The following SGK3 variants were observed in gnomAD, a reference collection of about 807,000 sequenced individuals.
SGK3 encodes serum/glucocorticoid regulated kinase family member 3.
In SGK3, 47 loss-of-function variants were observed where a neutral mutation model predicts 68.5. The observed-to-expected ratio is 0.69, with a 90% CI of 0.54 to 0.87. The LOEUF is 0.87. Among genes scored for constraint, SGK3 ranks in the 40% least tolerant of loss-of-function variants. The pLI is 0.00. For synonymous variants in SGK3, 181 were observed against 189.1 expected (o/e 0.96, Z 0.35); for missense variants, 479 against 575.5 (o/e 0.83, Z 1.72).
At chr8:66,831,373 G>C (rs1023873303) in intron 8 of SGK3, 62 bp downstream of exon 8, 13 of 1,585,940 alleles carry the variant, frequency 8.2e-6, no homozygotes, top group Non-Finnish European at 1.0e-5. Context: ...TGGAGACAGG[G>C]TCTCACTCTG....
chr8:66,840,318 A>G, intron 12 of SGK3, 71 bp downstream of exon 12: 1 of 1,378,396 alleles, frequency 7.3e-7, no homozygotes, highest in Non-Finnish European at 9.9e-7. Flanking sequence ...GTGCAAAAAA[A>G]GTCTCAGAGA....
chr8:66,800,379 C>CTTTTTTTTTT (rs35415180), intron 3 of SGK3, among the ~76,000 whole-genome samples: 44 of 102,190 alleles, frequency 4.3e-4, no homozygotes, highest in Non-Finnish European at 5.9e-4. Flanking sequence ...TTTTTCATTT[C>CTTTTTTTTTT]TTTTTTTTTT....
rs1438778845 is a variant in SGK3 at position 66,839,533 on chromosome 8, ATATATATATATATATATATATATATT to A, written c.742-468_742-443del. Among the ~76,000 whole-genome samples, 224 of 87,896 alleles carry A rather than the reference ATATATATATATATATATATATATATT, an allele frequency of 2.5e-3. 5 individuals are homozygous for A. The highest frequency in any genetic ancestry group is 0.011 in the African/African-American group (211 of 20,048). 57.7% of individuals were successfully genotyped at this position (87,896 alleles called of 152,430 possible). The stretch of plus-strand genomic sequence containing the variant: ...TATATATATATATATATATATATAT[ATATATATATATATATATATATATATT>A]TTCATATGGGTTATATTTGTTCTGC... On this transcript the variant is annotated intron_variant, in intron 10 of 16. Coordinates refer to ENST00000521198, the MANE Select transcript of SGK3 (RefSeq NM_001033578.3).
intron 1 of SGK3, among the ~76,000 whole-genome samples, chr8:66,786,925 C>CTTTTTTT (rs71249407): frequency 2.3e-4 from 11 of 48,704 alleles, no homozygotes; most frequent in East Asian, 5.4e-4. Context: ...TTTTCTCTGT[C>CTTTTTTT]TTTTTTTTTT....
chr8:66,825,411 C>A (rs1166622175), intron 6 of SGK3, among the ~76,000 whole-genome samples: 1 of 150,000 alleles, frequency 6.7e-6, no homozygotes, highest in African/African-American at 2.5e-5. Flanking sequence ...TCACTGCAAG[C>A]TCCGCCTCCC....
chr8:66,804,610 T>C (rs1416889217), intron 4 of SGK3, among the ~76,000 whole-genome samples, 163 bp downstream of exon 4: 15 of 152,240 alleles, frequency 9.9e-5, no homozygotes, highest in Admixed American at 9.8e-4. Flanking sequence ...AGGCATTGTT[T>C]TAAGTACTTC....
intron 2 of SGK3, among the ~76,000 whole-genome samples, chr8:66,795,923 G>A (rs1228602127): frequency 2.0e-5 from 3 of 152,018 alleles, no homozygotes. Flanking sequence ...TTTGAAGCAA[G>A]AACTTCTTCA....
At chr8:66,797,047 C>T (rs894124128) in intron 2 of SGK3, among the ~76,000 whole-genome samples, 1 of 151,282 alleles carries the variant, frequency 6.6e-6, no homozygotes, top group Non-Finnish European at 1.5e-5. Context: ...GTTTATAAAT[C>T]ATGCTGTTAA....
intron 1 of SGK3, among the ~76,000 whole-genome samples, chr8:66,730,648 C>G (rs1384894379): frequency 1.3e-5 from 2 of 152,152 alleles, no homozygotes; most frequent in Non-Finnish European, 2.9e-5. Context: ...GGTCCAACTT[C>G]ATTCTTTTGC....
At position 66,793,327 on chromosome 8, in the gene SGK3, G is replaced by T. The variant is rs1466528230; in HGVS notation, c.-121-289G>T. Among the ~76,000 whole-genome samples, 65 of 152,140 alleles carry T rather than the reference G, an allele frequency of 4.3e-4. 1 individual carries two copies. Among genetic ancestry groups the T allele is most frequent in the Admixed American group, 4.2e-3 (64 of 15,274 alleles). On this transcript the variant is annotated intron_variant, in intron 1 of 16. Transcript: ENST00000521198. ...CAAGAAGTCTGAAAACCACACTTTGGTTACCTCCAACTAGATCTTTTCTAG... is the reference window on the plus strand; with the variant it reads ...CAAGAAGTCTGAAAACCACACTTTGTTTACCTCCAACTAGATCTTTTCTAG...
intron 4 of SGK3, among the ~76,000 whole-genome samples, chr8:66,813,582 A>G (rs1368386351): frequency 2.6e-5 from 4 of 151,308 alleles, no homozygotes; most frequent in African/African-American, 4.8e-5. Context: ...AGTCCATAAT[A>G]GGCAGTTTTG....
At chr8:66,763,509 T>A (rs1347349960) in intron 1 of SGK3, among the ~76,000 whole-genome samples, 1 of 152,190 alleles carries the variant, frequency 6.6e-6, no homozygotes, top group African/African-American at 2.4e-5. Flanking sequence ...CCCTAGTTCA[T>A]ATTAGTGGGA....
intron 1 of SGK3, among the ~76,000 whole-genome samples, chr8:66,757,989 G>A (rs1196831691): frequency 2.3e-5 from 3 of 128,502 alleles, no homozygotes; most frequent in African/African-American, 3.4e-5. Context: ...CACACTATAT[G>A]TATATATATA....
chr8:66,792,488 A>C (rs1807505693), intron 1 of SGK3, among the ~76,000 whole-genome samples: 1 of 152,170 alleles, frequency 6.6e-6, no homozygotes, highest in Admixed American at 6.5e-5. Context: ...TTAAATCATT[A>C]CCTGAATATA....
intron 4 of SGK3, 113 bp downstream of exon 4, chr8:66,804,560 C>T: frequency 9.1e-7 from 1 of 1,095,572 alleles, no homozygotes; most frequent in South Asian, 1.7e-5. Flanking sequence ...ATCTTATGCT[C>T]TGTGAAAATA....
rs565601326 is a variant in SGK3 at position 66,840,732 on chromosome 8, T to G, written c.892-292T>G. 17 of 223,504 alleles carry G rather than the reference T, an allele frequency of 7.6e-5. No homozygotes were observed. In the East Asian group the frequency reaches 1.6e-3, roughly 21 times the overall value. 13.8% of individuals were successfully genotyped at this position (223,504 alleles called of 1,614,324 possible). On this transcript the variant is annotated intron_variant, in intron 12 of 16. Transcript: ENST00000521198. ...CAGCACTTTGGGAGGCCAAGATGGG[T>G]GGATCACTTGAGGTGGCACGCCTGG...
intron 1 of SGK3, among the ~76,000 whole-genome samples, chr8:66,753,980 G>A (rs1459946689): frequency 6.6e-6 from 1 of 152,108 alleles, no homozygotes; most frequent in Non-Finnish European, 1.5e-5. Flanking sequence ...GACTTTAAAT[G>A]CCCTTATGAC....
At chr8:66,826,362 A>G (rs992314526) in intron 6 of SGK3, among the ~76,000 whole-genome samples, 4 of 152,136 alleles carry the variant, frequency 2.6e-5, no homozygotes, top group African/African-American at 9.7e-5. Context: ...TGAAATTACA[A>G]CTCAGTTTGA....
intron 1 of SGK3, among the ~76,000 whole-genome samples, chr8:66,787,947 C>T (rs1231362256): frequency 6.6e-6 from 1 of 152,210 alleles, no homozygotes; most frequent in Non-Finnish European, 1.5e-5. Context: ...GTGTACTGCT[C>T]AGAGTTCTGC....
Sources: allele counts gnomAD v4.1 joint callset (sites outside exome capture counted in the v4.1 genomes callset), GRCh38; gene constraint gnomAD v4.1.1; transcripts MANE v1.5; gene names NCBI Gene and HGNC (gene_info 2026-07-23, HGNC 2026-07-21).